The following RELT variants were observed in gnomAD, a reference collection of about 807,000 sequenced individuals.
The protein encoded by RELT is tumor necrosis factor receptor superfamily member 19L.
RELT carries 37 observed loss-of-function variants against 51.1 expected under a neutral mutation model. The ratio of observed to expected loss-of-function variants is 0.72; its 90% CI spans 0.56 to 0.95. The LOEUF is 0.95. Ranked by LOEUF, RELT falls within the 40% of genes least tolerant of loss-of-function variation. RELT has a pLI of 0.00. For missense variants in RELT, 535 were observed against 572.6 expected (o/e 0.93, Z 0.67); for synonymous variants, 241 against 235.7 (o/e 1.02, Z -0.21).
At chr11:73,385,134 C>G (rs906101706) in intron 1 of RELT, among the ~76,000 whole-genome samples, 2 of 151,898 alleles carry the variant, frequency 1.3e-5, no homozygotes, top group Non-Finnish European at 2.9e-5. Flanking sequence ...GACCTGGAGG[C>G]CAGAGACAGG....
At chr11:73,376,587 C>T (rs1865969362) in intron 1 of RELT, 88 bp downstream of exon 1, 1 of 151,910 alleles carries the variant, frequency 6.6e-6, no homozygotes. Context: ...CCCCCTGCCT[C>T]CCCGTGTCTC....
intron 6 of RELT, 80 bp from the exon 7 acceptor site, chr11:73,393,757 C>T: frequency 6.4e-7 from 1 of 1,569,038 alleles, no homozygotes; most frequent in Non-Finnish European, 8.8e-7. Flanking sequence ...CCAGGGTTGC[C>T]CTCTGCTGGC....
chr11:73,391,695 C>T (rs1222461396), intron 5 of RELT, among the ~76,000 whole-genome samples: 7 of 152,160 alleles, frequency 4.6e-5, no homozygotes, highest in Non-Finnish European at 1.0e-4. Flanking sequence ...GGGAGGATTG[C>T]TTGAGTCCAT....
intron 5 of RELT, 141 bp from the exon 6 acceptor site, chr11:73,392,070 C>T: frequency 2.1e-6 from 2 of 957,538 alleles, no homozygotes; most frequent in Non-Finnish European, 1.5e-6. Flanking sequence ...TTGACCTTTG[C>T]ATCCCCAGCA....
chr11:73,391,263 G>A (rs1164563164), intron 5 of RELT, 40 bp downstream of exon 5: 2 of 1,566,584 alleles, frequency 1.3e-6, no homozygotes, highest in African/African-American at 2.7e-5. Context: ...GCAGGGGTAT[G>A]TGCGGGAGGG....
intron 5 of RELT, among the ~76,000 whole-genome samples, chr11:73,391,582 G>A (rs191393066): frequency 5.2e-4 from 79 of 152,288 alleles, no homozygotes; most frequent in Non-Finnish European, 9.7e-4. Context: ...AAGGCAGGAG[G>A]ATCACTTTGA....
rs1441291382 is a variant in RELT, at chr11:73,388,738, G to GT, written c.-25-373dup. 6.6e-6 allele frequency among the ~76,000 whole-genome samples: 1 copy of GT among 152,226 alleles called. No homozygotes were observed. Among genetic ancestry groups the GT allele is most frequent in the Non-Finnish European group, 1.5e-5 (1 of 68,034 alleles). ...TGTGGAGGCCGGGCTGGGGTGTTGGGTGTTGGTTGCAACCCTGTCATCACG... is the reference window on the plus strand; with the variant it reads ...TGTGGAGGCCGGGCTGGGGTGTTGGGTTGTTGGTTGCAACCCTGTCATCACG... On this transcript the variant is annotated intron_variant, in intron 1 of 10. Transcript: ENST00000064780. This position sits in a 1 kb window ranked among gnomAD's most constrained non-coding sequence, Gnocchi z 4.1.
At chr11:73,386,409 A>G (rs1376008314) in intron 1 of RELT, among the ~76,000 whole-genome samples, 2 of 151,734 alleles carry the variant, frequency 1.3e-5, no homozygotes, top group Non-Finnish European at 2.9e-5. Flanking sequence ...TCACGGTTCC[A>G]GGGCCGTTTT....
chr11:73,380,731 G>T (rs558904836), intron 1 of RELT, among the ~76,000 whole-genome samples: 2 of 152,186 alleles, frequency 1.3e-5, no homozygotes, highest in Admixed American at 6.5e-5. Flanking sequence ...TCTGTTATGG[G>T]GCCAGCCCTT....
intron 1 of RELT, among the ~76,000 whole-genome samples, chr11:73,377,353 C>A (rs1865984812): frequency 6.6e-6 from 1 of 151,268 alleles, no homozygotes; most frequent in African/African-American, 2.5e-5. Context: ...CCTAGGACAC[C>A]TTCCGGCAGA....
At chr11:73,393,290 C>G in intron 6 of RELT, 1 of 1,022,786 alleles carries the variant, frequency 9.8e-7, no homozygotes, top group Non-Finnish European at 1.2e-6. Flanking sequence ...CCTTTAACTG[C>G]TGGATGCTGC....
At chr11:73,384,121 C>G (rs1373207665) in intron 1 of RELT, among the ~76,000 whole-genome samples, 1 of 152,146 alleles carries the variant, frequency 6.6e-6, no homozygotes. Flanking sequence ...ACCTCCATCT[C>G]CCCCAGTGCG....
chr11:73,382,450 G>T (rs976593949), intron 1 of RELT, among the ~76,000 whole-genome samples: 5 of 152,198 alleles, frequency 3.3e-5, no homozygotes. Context: ...GCATGAGCCG[G>T]GGCTGCAGTG....
At chr11:73,390,068 C>T (rs1866185824) in intron 2 of RELT, among the ~76,000 whole-genome samples, 2 of 152,100 alleles carry the variant, frequency 1.3e-5, no homozygotes, top group South Asian at 4.1e-4. Context: ...GGATGTGGTC[C>T]TGGAGACTTT....
chr11:73,392,334 C>T lies in RELT; in HGVS notation c.491C>T (p.Ala164Val), dbSNP rs748028246. The T allele has an allele frequency of 2.7e-5, 44 of 1,613,594 alleles. No individual in the cohort carries two copies. The highest frequency in any genetic ancestry group is 1.6e-4 in the Middle Eastern group (1 of 6,084). ...GGPEETAAQY[A>V]VIAIVPVFCL... is the part of the protein sequence containing the mutation. Reference sequence around the variant, plus strand: ...CCAGAGGAGACAGCCGCCCAGTACGCGGTCATCGCCATCGTCCCTGTCTTC... The same window carrying T: ...CCAGAGGAGACAGCCGCCCAGTACGTGGTCATCGCCATCGTCCCTGTCTTC... The change falls in exon 6 of 11, where the codon GCG becomes GTG. Residue 164 changes from alanine to valine, a missense_variant. By Grantham distance (64) the Ala-to-Val change is moderately conservative (BLOSUM62 0). Coordinates refer to ENST00000064780, the MANE Select transcript of RELT (RefSeq NM_152222.2).
Position 73,394,779 on chromosome 11 carries a change from G to A in RELT, c.1046+45G>A, listed in dbSNP as rs1045182338. ...AGCAGGGGCAGGTAAAGACGTGACA[G>A]CCTGGGGGCCGGGAGGGGGAGGCAG... is the stretch of plus-strand genomic sequence containing the variant. On this transcript the variant is annotated intron_variant, in intron 9 of 10. Transcript: ENST00000064780. The surrounding 1 kb of genome is among the most constrained non-coding windows in gnomAD (Gnocchi z 4.9). 3 of 1,584,844 alleles carry A rather than the reference G, an allele frequency of 1.9e-6. No individual in the cohort carries two copies. Among genetic ancestry groups the A allele is most frequent in the Non-Finnish European group, 2.6e-6 (3 of 1,168,596 alleles).
intron 6 of RELT, chr11:73,393,473 A>G (rs1565223640): frequency 1.8e-5 from 22 of 1,215,250 alleles, no homozygotes; most frequent in Non-Finnish European, 2.3e-5. Context: ...AGATTTGGGG[A>G]GTTCTGGGTA....
chr11:73,392,775 C>T lies in RELT; in HGVS notation c.625+307C>T, dbSNP rs117120154. 6.6e-3 allele frequency: 8,668 copies of T among 1,309,262 alleles called. 81 individuals carry two copies. Among genetic ancestry groups the T allele is most frequent in the Middle Eastern group, 0.038 (126 of 3,328 alleles). 81.1% of individuals were successfully genotyped at this position (1,309,262 alleles called of 1,614,324 possible). A position where few individuals can be genotyped will look rare whatever the true frequency, so the allele number is the denominator to read the frequency against. ...ACAGTTGTGTGTATGGTTCCAGGGT[C>T]GGATGGTGGCCTTGGAGTTACTCAA... On this transcript the variant is annotated intron_variant, in intron 6 of 10. Transcript: ENST00000064780.
Position 73,394,772 on chromosome 11 carries a change from C to T in RELT, c.1046+38C>T, listed in dbSNP as rs766780666. The stretch of plus-strand genomic sequence containing the variant: ...CAGATGCAGCAGGGGCAGGTAAAGA[C>T]GTGACAGCCTGGGGGCCGGGAGGGG... On this transcript the variant is annotated intron_variant, in intron 9 of 10. Coordinates refer to ENST00000064780, the MANE Select transcript of RELT (RefSeq NM_152222.2). This position sits in a 1 kb window ranked among gnomAD's most constrained non-coding sequence, Gnocchi z 4.9. The T allele has an allele frequency of 1.8e-5, 29 of 1,590,682 alleles. No individual in the cohort carries two copies. Among genetic ancestry groups the T allele is most frequent in the Middle Eastern group, 1.7e-4 (1 of 6,022 alleles).
Sources: gnomAD v4.1 joint callset for allele counts (sites outside exome capture counted in the v4.1 genomes callset) on GRCh38, gnomAD v4.1.1 for gene constraint, Gnocchi (gnomAD v3.1) non-coding constraint, MANE v1.5 for transcripts, NCBI Gene and HGNC (gene_info 2026-07-23, HGNC 2026-07-21) for gene names.